The following EPC1 variants were observed in gnomAD, a reference collection of about 807,000 sequenced individuals.
The protein encoded by EPC1 is enhancer of polycomb 1.
Under a neutral mutation model 98.4 loss-of-function variants are expected in EPC1, and 12 were observed. The observed-to-expected ratio is 0.12, with a 90% CI of 0.08 to 0.20. The LOEUF is 0.20. EPC1 is among the 10% of genes least tolerant of loss of function. The pLI, the probability that EPC1 is intolerant of heterozygous loss-of-function variation, is 1.00. For missense variants in EPC1, 729 were observed against 990.5 expected (o/e 0.74, Z 3.54); for synonymous variants, 357 against 363.9 (o/e 0.98, Z 0.21).
chr10:32,327,770 T>C (rs1837391320), intron 1 of EPC1, among the ~76,000 whole-genome samples: 1 of 152,134 alleles, frequency 6.6e-6, no homozygotes, highest in Non-Finnish European at 1.5e-5. Context: ...CACAAAAAAG[T>C]ATTTGTGGAT....
intron 1 of EPC1, among the ~76,000 whole-genome samples, chr10:32,336,224 A>G (rs1837960986): frequency 6.6e-6 from 1 of 151,870 alleles, no homozygotes; most frequent in Non-Finnish European, 1.5e-5. Flanking sequence ...GTCTGCCGCC[A>G]TGTCCAGTTA....
intron 2 of EPC1, among the ~76,000 whole-genome samples, chr10:32,301,054 C>T (rs1016579814): frequency 7.3e-5 from 11 of 149,744 alleles, no homozygotes; most frequent in African/African-American, 2.2e-4. Context: ...ATCTATCTAT[C>T]TATCTATCTA....
rs141500606 is a variant in EPC1 at position 32,312,596 on chromosome 10, C to A, written c.154-6665G>T. Reference sequence around the variant, plus strand: ...TTAACCATCTCTCCCTACACCTGCACCCCCAATCTAAGCAACATAAGAGAA... The same window carrying A: ...TTAACCATCTCTCCCTACACCTGCAACCCCAATCTAAGCAACATAAGAGAA... On this transcript the variant is annotated intron_variant, in intron 1 of 13. Coordinates refer to ENST00000319778, the MANE Select transcript of EPC1 (RefSeq NM_001272004.3). Among the ~76,000 whole-genome samples the A allele has an allele frequency of 4.0e-3, 612 of 152,162 alleles. 6 individuals carry two copies. Among genetic ancestry groups the A allele is most frequent in the African/African-American group, 0.014 (580 of 41,518 alleles).
intron 2 of EPC1, among the ~76,000 whole-genome samples, chr10:32,298,715 C>T (rs543764060): frequency 5.0e-4 from 76 of 152,158 alleles, no homozygotes; most frequent in Non-Finnish European, 8.5e-4. Context: ...ACTTAGGGAG[C>T]GAAAATGGTG....
At chr10:32,340,110 C>G (rs976750476) in intron 1 of EPC1, among the ~76,000 whole-genome samples, 1 of 152,164 alleles carries the variant, frequency 6.6e-6, no homozygotes, top group Non-Finnish European at 1.5e-5. Flanking sequence ...GAAATTCAAC[C>G]AAAACGATTT....
chr10:32,302,056 G>A (rs1228540969), intron 2 of EPC1, among the ~76,000 whole-genome samples: 2 of 148,958 alleles, frequency 1.3e-5, no homozygotes, highest in East Asian at 2.1e-4. Flanking sequence ...GGCGGATCAC[G>A]AGGTCAGGAG....
At chr10:32,314,791 G>A (rs1836456029) in intron 1 of EPC1, among the ~76,000 whole-genome samples, 1 of 152,200 alleles carries the variant, frequency 6.6e-6, no homozygotes. Context: ...GGAGGCATAG[G>A]TTTTGCTAAT....
rs1309188892 is a variant in EPC1 at position 32,286,721 on chromosome 10, G to A, written c.1364C>T (p.Ala455Val). ...LTVPQRCIGF[A>V]RRRVGRGGRV... ...TCCACCGCGCCCAACCCGTCTTCGT[G>A]CAAATCCAATACACCTTTGGGGTAC... Residue 455 changes from alanine to valine, a missense_variant, in exon 9 of 14, where the codon GCA becomes GTA. Physicochemically the swap from Ala to Val is moderately conservative, Grantham distance 64. Around this residue, in one of 6 missense-constraint regions of EPC1, gnomAD observed 390 missense variants for 438.6 expected, o/e 0.89. Transcript: ENST00000319778. The A allele has an allele frequency of 1.2e-6, 2 of 1,614,100 alleles. No homozygotes were observed. Among genetic ancestry groups the A allele is most frequent in the African/African-American group, 2.7e-5 (2 of 75,028 alleles).
chr10:32,272,833 G>A (rs1445247949), intron 11 of EPC1, among the ~76,000 whole-genome samples: 1 of 152,170 alleles, frequency 6.6e-6, no homozygotes, highest in Non-Finnish European at 1.5e-5. Context: ...TTTGCATAAT[G>A]TTAAAAGCCT....
At chr10:32,371,320 G>A (rs1318012510) in intron 1 of EPC1, among the ~76,000 whole-genome samples, 1 of 152,054 alleles carries the variant, frequency 6.6e-6, no homozygotes, top group Non-Finnish European at 1.5e-5. Flanking sequence ...TAGGTCATTG[G>A]CATGGCAGCT....
At chr10:32,279,873 T>C (rs1431363167) in intron 10 of EPC1, among the ~76,000 whole-genome samples, 3 of 152,156 alleles carry the variant, frequency 2.0e-5, no homozygotes. Flanking sequence ...AAATATACAA[T>C]TTATCCTTAA....
At chr10:32,296,851 G>A (rs1485212006) in intron 2 of EPC1, among the ~76,000 whole-genome samples, 1 of 151,492 alleles carries the variant, frequency 6.6e-6, no homozygotes, top group African/African-American at 2.4e-5. Flanking sequence ...AGGTTGCAGT[G>A]AGCTGAGATC....
At chr10:32,288,400 C>T (rs1306589250) in intron 6 of EPC1, among the ~76,000 whole-genome samples, 2 of 150,546 alleles carry the variant, frequency 1.3e-5, no homozygotes, top group Non-Finnish European at 2.9e-5. Flanking sequence ...CTGCAATCTC[C>T]GCCTCCCAGG....
chr10:32,338,507 T>C lies in EPC1; in HGVS notation c.153+8256A>G, dbSNP rs571668672. ...ATTTCAACACAGTCAAAACTTCTCA[T>C]GGTAGCCTAACAATCCCTTCCTGAT... On this transcript the variant is annotated intron_variant, in intron 1 of 13. Coordinates refer to ENST00000319778, the MANE Select transcript of EPC1 (RefSeq NM_001272004.3). Among the ~76,000 whole-genome samples, 9 of 152,300 alleles carry C rather than the reference T, an allele frequency of 5.9e-5. No homozygotes were observed. In the South Asian group the frequency reaches 1.2e-3, roughly 21 times the overall value.
chr10:32,345,399 A>G, intron 1 of EPC1: 2 of 985,328 alleles, frequency 2.0e-6, no homozygotes, highest in South Asian at 4.7e-5. Flanking sequence ...TTTTATTTCC[A>G]AAAACAACAT....
At chr10:32,281,989 T>C (rs937995827) in intron 10 of EPC1, 1 of 152,116 alleles carries the variant, frequency 6.6e-6, no homozygotes, top group Non-Finnish European at 1.5e-5. Flanking sequence ...GTTTTTTTTT[T>C]CTTCAGGGGC....
intron 1 of EPC1, among the ~76,000 whole-genome samples, chr10:32,337,693 G>T (rs749387641): frequency 6.6e-6 from 1 of 152,084 alleles, no homozygotes; most frequent in Non-Finnish European, 1.5e-5. Flanking sequence ...TGCTGATCTG[G>T]GAGCCTCCTC....
chr10:32,290,222 C>A (rs1186680220), intron 6 of EPC1, among the ~76,000 whole-genome samples: 1 of 152,004 alleles, frequency 6.6e-6, no homozygotes, highest in African/African-American at 2.4e-5. Flanking sequence ...TGGCTCACGC[C>A]TATAATCCCA....
intron 1 of EPC1, among the ~76,000 whole-genome samples, chr10:32,376,570 A>G (rs1419860997): frequency 6.6e-6 from 1 of 152,124 alleles, no homozygotes; most frequent in Non-Finnish European, 1.5e-5. Flanking sequence ...TTTTTATGGC[A>G]TAGTATAAAC....
Sources: gnomAD v4.1 joint callset for allele counts (sites outside exome capture counted in the v4.1 genomes callset) on GRCh38, gnomAD v4.1.1 for gene constraint, gnomAD v4.1.1 regional missense constraint, MANE v1.5 for transcripts, NCBI Gene and HGNC (gene_info 2026-07-23, HGNC 2026-07-21) for gene names.